The following CFAP206 variants were observed in gnomAD, a reference collection of about 807,000 sequenced individuals.
CFAP206 encodes cilia- and flagella-associated protein 206.
A neutral mutation model predicts 65.4 loss-of-function variants in CFAP206; 53 were observed. That is an observed-to-expected ratio of 0.81 (90% CI 0.65 to 1.02). The LOEUF is 1.02. Ranked by LOEUF, CFAP206 falls within the 50% of genes least tolerant of loss-of-function variation. The pLI, the probability that CFAP206 is intolerant of heterozygous loss-of-function variation, is 0.00. For synonymous variants in CFAP206, 250 were observed against 254.4 expected, an observed-to-expected ratio of 0.98 and a Z score of 0.17; for missense variants, 663 against 753.2, an observed-to-expected ratio of 0.88 and a Z score of 1.40.
intron 3 of CFAP206, among the ~76,000 whole-genome samples, chr6:87,411,535 T>A (rs1291292637): frequency 6.6e-6 from 1 of 152,250 alleles, no homozygotes; most frequent in Non-Finnish European, 1.5e-5. Flanking sequence ...TTTAGTTTAT[T>A]TAAATCCAAT....
At chr6:87,424,535 C>T (rs992721242) in intron 7 of CFAP206, among the ~76,000 whole-genome samples, 1 of 152,118 alleles carries the variant, frequency 6.6e-6, no homozygotes, top group African/African-American at 2.4e-5. Context: ...CCTCAGCCTC[C>T]CAAAGTGCTG....
At chr6:87,441,905 C>A in intron 11 of CFAP206, 1 of 306,786 alleles carries the variant, frequency 3.3e-6, no homozygotes, top group South Asian at 3.5e-5. Flanking sequence ...AAGTTGGTCC[C>A]ATATGTCTTC....
intron 11 of CFAP206, chr6:87,445,139 C>A: frequency 2.6e-6 from 1 of 387,960 alleles, no homozygotes; most frequent in Non-Finnish European, 5.0e-6. Flanking sequence ...TTGCGTAATC[C>A]ATCATCTGTT....
chr6:87,436,964 CTTA>C (rs1229614651), intron 11 of CFAP206, among the ~76,000 whole-genome samples: 3 of 152,026 alleles, frequency 2.0e-5, no homozygotes, highest in East Asian at 3.9e-4. Flanking sequence ...TAAAATGGTA[CTTA>C]TTATTGTTTG....
At chr6:87,449,458 AAAAG>A (rs1370685228) in intron 11 of CFAP206, among the ~76,000 whole-genome samples, 1 of 151,398 alleles carries the variant, frequency 6.6e-6, no homozygotes, top group African/African-American at 2.4e-5. Context: ...AAAAAAAAAA[AAAAG>A]AGTTCCCTTT....
At position 87,413,836 on chromosome 6, in the gene CFAP206, T is replaced by C. The variant is rs753028170; in HGVS notation, c.219T>C (p.Thr73=). 3.2e-6 allele frequency: 5 copies of C among 1,571,216 alleles called. No individual in the cohort carries two copies. The highest frequency in any genetic ancestry group is 1.2e-5 in the South Asian group (1 of 81,670). Residue 73 remains threonine, a synonymous_variant, in exon 4 of 13, where the codon ACT becomes ACC. Transcript: ENST00000369562. ...TTTGTATGACTCGGCTATTGGATAC[T>C]AAAAATCCATCCCTGGACACTATTA... ...VKLCMTRLLD[T]KNPSLDTIKM... is the part of the protein sequence containing the mutation.
intron 10 of CFAP206, among the ~76,000 whole-genome samples, chr6:87,431,558 G>T (rs1312746337): frequency 6.6e-6 from 1 of 152,188 alleles, no homozygotes; most frequent in Non-Finnish European, 1.5e-5. Flanking sequence ...TTGAGGTCAG[G>T]AGTTGGAGAT....
chr6:87,443,832 G>T (rs1407759259), intron 11 of CFAP206, among the ~76,000 whole-genome samples: 1 of 152,036 alleles, frequency 6.6e-6, no homozygotes, highest in Non-Finnish European at 1.5e-5. Flanking sequence ...ATGTCCATGA[G>T]TACCCAGTGT....
chr6:87,439,507 T>G (rs906208152), intron 11 of CFAP206, among the ~76,000 whole-genome samples: 62 of 152,254 alleles, frequency 4.1e-4, no homozygotes, highest in African/African-American at 1.3e-3. Context: ...TTTCTTAGTT[T>G]GTAGCTTATG....
chr6:87,455,358 AAGAG>A (rs2127956998), intron 11 of CFAP206, among the ~76,000 whole-genome samples: 1 of 152,348 alleles, frequency 6.6e-6, no homozygotes, highest in East Asian at 1.9e-4. Context: ...AAGCAGTAGT[AAGAG>A]AGAAGCTTAT....
At chr6:87,450,706 A>G (rs1768527834) in intron 11 of CFAP206, among the ~76,000 whole-genome samples, 1 of 152,178 alleles carries the variant, frequency 6.6e-6, no homozygotes, top group Non-Finnish European at 1.5e-5. Flanking sequence ...TACACAAGAA[A>G]GTACCTTCAT....
At chr6:87,434,502 CTTTTTTTTT>C (rs377378986) in intron 10 of CFAP206, among the ~76,000 whole-genome samples, 2 of 134,492 alleles carry the variant, frequency 1.5e-5, no homozygotes, top group African/African-American at 5.6e-5. Flanking sequence ...TTTTCTTTTT[CTTTTTTTTT>C]TTTTTTGAGA....
intron 11 of CFAP206, among the ~76,000 whole-genome samples, chr6:87,447,263 T>C (rs1016884771): frequency 5.9e-5 from 9 of 152,168 alleles, no homozygotes; most frequent in Admixed American, 3.9e-4. Context: ...CCTTGTCTTG[T>C]GCTGGTTTTC....
chr6:87,436,243 G>A (rs751659471), intron 11 of CFAP206, among the ~76,000 whole-genome samples: 6 of 151,578 alleles, frequency 4.0e-5, no homozygotes, highest in African/African-American at 7.3e-5. Context: ...ACACCATCAC[G>A]CCTGGCTAAT....
chr6:87,409,801 CG>C (rs776515922), intron 1 of CFAP206, 33 bp from the exon 2 acceptor site: 13 of 1,410,354 alleles, frequency 9.2e-6, no homozygotes, highest in African/African-American at 6.3e-5. Context: ...CATAAAACCA[CG>C]GTTTTTTTAA....
chr6:87,428,080 C>T (rs551427541), intron 8 of CFAP206, among the ~76,000 whole-genome samples: 6 of 151,180 alleles, frequency 4.0e-5, no homozygotes, highest in South Asian at 2.1e-4. Flanking sequence ...CTCCGCCTCC[C>T]GGGTTCAAGC....
intron 3 of CFAP206, among the ~76,000 whole-genome samples, chr6:87,411,921 G>A (rs945182874): frequency 1.3e-5 from 2 of 152,198 alleles, no homozygotes; most frequent in African/African-American, 4.8e-5. Context: ...AACAGATATT[G>A]GTGAGGATGC....
chr6:87,428,588 C>T, intron 8 of CFAP206, 38 bp from the exon 9 acceptor site: 1 of 1,529,594 alleles, frequency 6.5e-7, no homozygotes, highest in Non-Finnish European at 9.1e-7. Flanking sequence ...AATTTTATTA[C>T]ACAGTTGCAT....
At chr6:87,435,813 C>T (rs959987215) in intron 11 of CFAP206, 7 of 152,214 alleles carry the variant, frequency 4.6e-5, no homozygotes, top group African/African-American at 1.7e-4. Context: ...GCAGGTGCCA[C>T]CATGCCTGGC....
Sources: allele counts gnomAD v4.1 joint callset (sites outside exome capture counted in the v4.1 genomes callset), GRCh38; gene constraint gnomAD v4.1.1; transcripts MANE v1.5; gene names NCBI Gene and HGNC (gene_info 2026-07-23, HGNC 2026-07-21).